ASTN1: variants seen among roughly 807,000 people sequenced by gnomAD.
ASTN1 encodes the protein astrotactin 1.
In ASTN1, 41 loss-of-function variants were observed where a neutral mutation model predicts 140.7. The ratio of observed to expected loss-of-function variants is 0.29; its 90% CI spans 0.23 to 0.38. The LOEUF is 0.38. Ranked by LOEUF, ASTN1 falls within the 10% of genes least tolerant of loss-of-function variation. ASTN1 has a pLI of 1.00. For missense variants in ASTN1, 1,479 were observed against 1,678.8 expected (o/e 0.88, Z 2.08); for synonymous variants, 640 against 652.2 (o/e 0.98, Z 0.29).
chr1:177,090,581 A>AT (rs1295199938), intron 1 of ASTN1, among the ~76,000 whole-genome samples: 1 of 152,150 alleles, frequency 6.6e-6, no homozygotes, highest in Non-Finnish European at 1.5e-5. Flanking sequence ...TATAGACCCA[A>AT]TACCCATTTG....
At chr1:177,064,766 G>T (rs1039517488) in intron 1 of ASTN1, among the ~76,000 whole-genome samples, 1 of 152,236 alleles carries the variant, frequency 6.6e-6, no homozygotes, top group African/African-American at 2.4e-5. Context: ...ATTACCTAAT[G>T]ATAGCTTCTT....
chr1:177,033,156 T>TGTGTGTGTGC (rs1491449826), intron 2 of ASTN1, among the ~76,000 whole-genome samples: 2 of 148,808 alleles, frequency 1.3e-5, no homozygotes, highest in East Asian at 1.9e-4. Context: ...TGTGTGTGTG[T>TGTGTGTGTGC]GCGTGATTTC....
intron 16 of ASTN1, among the ~76,000 whole-genome samples, chr1:176,900,956 T>G (rs1314377777): frequency 6.6e-6 from 1 of 152,238 alleles, no homozygotes; most frequent in Non-Finnish European, 1.5e-5. Flanking sequence ...CAACAATTCA[T>G]TAAACAAATA....
At chr1:177,109,257 G>A (rs1680698398) in intron 1 of ASTN1, among the ~76,000 whole-genome samples, 1 of 152,052 alleles carries the variant, frequency 6.6e-6, no homozygotes, top group Non-Finnish European at 1.5e-5. Context: ...GAAATATGTA[G>A]TAAACCTAAG....
At chr1:177,135,452 G>A (rs1473953981) in intron 1 of ASTN1, among the ~76,000 whole-genome samples, 1 of 151,872 alleles carries the variant, frequency 6.6e-6, no homozygotes, top group African/African-American at 2.4e-5. Context: ...ACGTGACCAT[G>A]GGCATCCAAA....
chr1:176,969,552 T>C (rs952675513), intron 8 of ASTN1, among the ~76,000 whole-genome samples: 2 of 152,128 alleles, frequency 1.3e-5, no homozygotes, highest in Non-Finnish European at 2.9e-5. Flanking sequence ...TTCTGTCTGC[T>C]TGTAATGGTA....
At chr1:176,970,949 C>G (rs955671954) in intron 8 of ASTN1, among the ~76,000 whole-genome samples, 2 of 152,186 alleles carry the variant, frequency 1.3e-5, no homozygotes, top group African/African-American at 4.8e-5. Context: ...CACATCCTTT[C>G]AAGCCTGCTT....
At chr1:176,884,584 T>C (rs891926950) in intron 18 of ASTN1, 94 bp from the exon 19 acceptor site, 10 of 1,376,056 alleles carry the variant, frequency 7.3e-6, no homozygotes, top group Non-Finnish European at 8.9e-6. Context: ...AAGCTTTTCT[T>C]TCCCAACCAA....
chr1:177,141,132 C>T (rs896922379), intron 1 of ASTN1, among the ~76,000 whole-genome samples: 6 of 152,308 alleles, frequency 3.9e-5, no homozygotes, highest in Middle Eastern at 3.4e-3. Flanking sequence ...AGGAGAATCG[C>T]TTGAACCTGG....
intron 14 of ASTN1, among the ~76,000 whole-genome samples, chr1:176,938,967 A>T (rs2103099390): frequency 6.6e-6 from 1 of 151,928 alleles, no homozygotes. Flanking sequence ...AAAAACAAAA[A>T]ACAAAAAACA....
intron 7 of ASTN1, among the ~76,000 whole-genome samples, chr1:177,018,911 C>T (rs995521416): frequency 2.6e-5 from 4 of 152,206 alleles, no homozygotes; most frequent in Non-Finnish European, 1.5e-5. Flanking sequence ...GTTAGCCCCA[C>T]TTAACCAGAG....
At position 176,861,313 on chromosome 1, in the gene ASTN1, A is replaced by G; in HGVS notation, c.*2971T>C. On this transcript the variant is annotated 3_prime_UTR_variant, in exon 23 of 23. Coordinates refer to ENST00000361833, the MANE Select transcript of ASTN1 (RefSeq NM_004319.3). ...CTCCATGGAAAACGATTGCACACTCAATTAAAAGTCTAATGCTATTACAGT... is the reference window on the plus strand; with the variant it reads ...CTCCATGGAAAACGATTGCACACTCGATTAAAAGTCTAATGCTATTACAGT... 1.0e-6 allele frequency: 1 copy of G among 985,882 alleles called. No individual in the cohort carries two copies. Among genetic ancestry groups the G allele is most frequent in the South Asian group, 4.7e-5 (1 of 21,288 alleles). The allele number at this position is 985,882 out of a possible 1,614,324, so 61.1% of individuals were successfully genotyped here.
chr1:176,877,613 G>A (rs545736699), intron 20 of ASTN1, among the ~76,000 whole-genome samples: 1 of 152,318 alleles, frequency 6.6e-6, no homozygotes, highest in Non-Finnish European at 1.5e-5. Flanking sequence ...GGAATTCTAG[G>A]TTCTGCCACT....
chr1:177,104,037 T>A lies in ASTN1; in HGVS notation c.284-42772A>T, dbSNP rs146690789. On this transcript the variant is annotated intron_variant, in intron 1 of 22. Coordinates refer to ENST00000361833, the MANE Select transcript of ASTN1 (RefSeq NM_004319.3). ...CAGTAACGCATCCAACAAGCACTTG[T>A]GGGGCCTGCTATTGGCTAGGCTTGT... Among the ~76,000 whole-genome samples the A allele has an allele frequency of 2.6e-5, 4 of 152,188 alleles. No homozygotes were observed. The East Asian group carries it at 5.8e-4, about 22-fold the overall frequency.
At chr1:177,138,775 C>T (rs1040508325) in intron 1 of ASTN1, among the ~76,000 whole-genome samples, 1 of 152,132 alleles carries the variant, frequency 6.6e-6, no homozygotes, top group Non-Finnish European at 1.5e-5. Flanking sequence ...AGTGAAGGCA[C>T]AGGACAGGGT....
chr1:177,142,179 T>C (rs1443486350), intron 1 of ASTN1, among the ~76,000 whole-genome samples: 1 of 152,190 alleles, frequency 6.6e-6, no homozygotes, highest in African/African-American at 2.4e-5. Flanking sequence ...TTATTGTTAT[T>C]TGAGGCAATA....
At chr1:176,896,622 T>C (rs1284518440) in intron 16 of ASTN1, among the ~76,000 whole-genome samples, 1 of 152,140 alleles carries the variant, frequency 6.6e-6, no homozygotes, top group Admixed American at 6.5e-5. Flanking sequence ...AAACAGCCCT[T>C]CATTAATGCC....
At chr1:177,058,463 T>C (rs1677916797) in intron 2 of ASTN1, among the ~76,000 whole-genome samples, 1 of 152,192 alleles carries the variant, frequency 6.6e-6, no homozygotes, top group Non-Finnish European at 1.5e-5. Flanking sequence ...GTCATAGTGG[T>C]CTGCCATTGG....
intron 2 of ASTN1, among the ~76,000 whole-genome samples, chr1:177,053,667 T>G (rs1301402270): frequency 6.6e-6 from 1 of 152,258 alleles, no homozygotes; most frequent in Non-Finnish European, 1.5e-5. Flanking sequence ...TTGAAAATAC[T>G]TTTCTAGTTT....
Sources: gnomAD v4.1 joint callset for allele counts (sites outside exome capture counted in the v4.1 genomes callset) on GRCh38, gnomAD v4.1.1 for gene constraint, MANE v1.5 for transcripts, NCBI Gene and HGNC (gene_info 2026-07-23, HGNC 2026-07-21) for gene names.